The following SH3GLB1 variants were observed in gnomAD, a reference collection of about 807,000 sequenced individuals.
The protein encoded by SH3GLB1 is SH3 domain containing GRB2 like, endophilin B1.
Under a neutral mutation model 42.0 loss-of-function variants are expected in SH3GLB1, and 17 were observed. That is an observed-to-expected ratio of 0.40 (90% CI 0.28 to 0.61). The LOEUF (loss-of-function observed/expected upper bound fraction) is 0.61. SH3GLB1 is among the 20% of genes least tolerant of loss of function. The probability of loss-of-function intolerance (pLI) is 0.36; values close to 1 mark genes in which losing one functional copy is unlikely to be tolerated. For synonymous variants in SH3GLB1, 132 were observed against 146.6 expected (o/e 0.90, Z 0.72); for missense variants, 355 against 426.3 (o/e 0.83, Z 1.47).
At chr1:86,724,874 TAAAAAAAAAA>T (rs1165438979) in intron 5 of SH3GLB1, among the ~76,000 whole-genome samples, 1 of 97,936 alleles carries the variant, frequency 1.0e-5, no homozygotes, top group African/African-American at 4.9e-5. Flanking sequence ...ACCCTGTCTT[TAAAAAAAAAA>T]AAAAAAAAAT....
At chr1:86,708,258 GC>G (rs1653989666) in intron 1 of SH3GLB1, among the ~76,000 whole-genome samples, 1 of 152,122 alleles carries the variant, frequency 6.6e-6, no homozygotes, top group Non-Finnish European at 1.5e-5. Flanking sequence ...TCAGTATAAT[GC>G]CAAAGTACCA....
intron 5 of SH3GLB1, among the ~76,000 whole-genome samples, chr1:86,727,007 G>A (rs1655235488): frequency 6.6e-6 from 1 of 151,832 alleles, no homozygotes. Context: ...TAAGGTTTGG[G>A]ATCTATCCAT....
At chr1:86,740,505 A>G (rs1656005648) in intron 7 of SH3GLB1, among the ~76,000 whole-genome samples, 1 of 152,288 alleles carries the variant, frequency 6.6e-6, no homozygotes, top group Non-Finnish European at 1.5e-5. Flanking sequence ...GAGCATATCT[A>G]AGAGTTATTA....
At chr1:86,734,728 G>C in intron 6 of SH3GLB1, 37 bp downstream of exon 6, 1 of 1,527,828 alleles carries the variant, frequency 6.5e-7, no homozygotes, top group Non-Finnish European at 9.0e-7. Flanking sequence ...TTTGGAACAA[G>C]ACTTTGGTAG....
At chr1:86,741,785 A>G (rs1207999570) in intron 7 of SH3GLB1, among the ~76,000 whole-genome samples, 2 of 152,202 alleles carry the variant, frequency 1.3e-5, no homozygotes, top group African/African-American at 4.8e-5. Context: ...AAAAAGGTTT[A>G]GTTATTCAAA....
rs924839928 is a variant in SH3GLB1, at chr1:86,742,270, T to C, written c.824T>C (p.Leu275Ser). The C allele has an allele frequency of 6.2e-7, 1 of 1,614,202 alleles. No individual in the cohort carries two copies. The highest frequency in any genetic ancestry group is 8.5e-7 in the Non-Finnish European group (1 of 1,180,036). ...TCTGTGACACCTGTACCATCAGTTT[T>C]ACCAAATGCGATTGGTTCTTCTGCC... ...QTSVTPVPSV[L>S]PNAIGSSAMA... Residue 275 changes from leucine (L) to serine (S), a missense_variant, in exon 8 of 9, where the codon TTA becomes TCA. Coordinates refer to ENST00000370558, the MANE Select transcript of SH3GLB1 (RefSeq NM_016009.5).
Position 86,730,191 on chromosome 1 carries a change from C to T in SH3GLB1, c.571-4411C>T, listed in dbSNP as rs961027680. The T allele has an allele frequency of 3.3e-5, 50 of 1,528,360 alleles. No homozygotes were observed. In the East Asian group the frequency reaches 1.1e-3, roughly 35 times the overall value. The allele number at this position is 1,528,360 out of a possible 1,614,324, so 94.7% of individuals were successfully genotyped here. On this transcript the variant is annotated intron_variant, in intron 5 of 8. Transcript: ENST00000370558. ...TCAGTAAATATGTATTGGGCAACAA[C>T]CCATGGGTCCAGTCACAGTCTGTGT...
At chr1:86,722,500 T>C in intron 3 of SH3GLB1, 40 bp from the exon 4 acceptor site, 1 of 1,529,344 alleles carries the variant, frequency 6.5e-7, no homozygotes, top group Non-Finnish European at 8.8e-7. Flanking sequence ...TTTTCTGGTA[T>C]TACCAGACAA....
In SH3GLB1 at chr1:86,715,860, A is replaced by C; in HGVS notation, c.209A>C (p.Asn70Thr). The C allele has an allele frequency of 6.2e-7, 1 of 1,607,850 alleles. No homozygotes were observed. Among genetic ancestry groups the C allele is most frequent in the Non-Finnish European group, 8.5e-7 (1 of 1,178,706 alleles). The change falls in exon 2 of 9, where the codon AAT becomes ACT. Residue 70 changes from asparagine to threonine, a missense_variant. Physicochemically the swap from Asn to Thr is moderately conservative, Grantham distance 65. Transcript: ENST00000370558. The stretch of plus-strand genomic sequence containing the variant: ...CAAACTGAAGTGTTATTGCAGCCAA[A>C]TCCAAGTAAGAAACTCTACCTCTTG... ...MKQTEVLLQPNPNARIEEFVY... is the reference protein window; with the variant it reads ...MKQTEVLLQPTPNARIEEFVY...
rs908696701 is a variant in SH3GLB1, at chr1:86,724,229, C to T, written c.478-84C>T. ...CTTTATCAAGTGATACATATGTTTA[C>T]TAGGGAATAATACTTTAAATGTGTA... On this transcript the variant is annotated intron_variant, in intron 4 of 8. Transcript: ENST00000370558. The T allele has an allele frequency of 3.3e-6, 3 of 913,326 alleles. No individual in the cohort carries two copies. In the African/African-American group the frequency reaches 5.1e-5, roughly 16 times the overall value. The allele number at this position is 913,326 out of a possible 1,614,324, so 56.6% of individuals were successfully genotyped here. A position where few individuals can be genotyped will look rare whatever the true frequency, so the allele number is the denominator to read the frequency against.
intron 5 of SH3GLB1, among the ~76,000 whole-genome samples, chr1:86,726,309 C>T (rs1302591893): frequency 6.6e-6 from 1 of 152,044 alleles, no homozygotes; most frequent in Non-Finnish European, 1.5e-5. Flanking sequence ...CCAGAAAGCA[C>T]ACACATATAG....
At chr1:86,724,892 A>AAAAAAAAAAATATATATATATAT (rs1291454820) in intron 5 of SH3GLB1, among the ~76,000 whole-genome samples, 2 of 99,700 alleles carry the variant, frequency 2.0e-5, no homozygotes, top group South Asian at 3.0e-4. Context: ...AAAAAAAAAA[A>AAAAAAAAAAATATATATATATAT]ATATATATAT....
At chr1:86,734,764 A>C (rs1655697057) in intron 6 of SH3GLB1, 73 bp downstream of exon 6, 1 of 1,102,440 alleles carries the variant, frequency 9.1e-7, no homozygotes, top group Non-Finnish European at 1.3e-6. Context: ...GGGAGGAAAA[A>C]CTGAACTTTT....
intron 7 of SH3GLB1, among the ~76,000 whole-genome samples, chr1:86,738,413 C>A (rs1427594964): frequency 6.6e-6 from 1 of 151,572 alleles, no homozygotes; most frequent in Non-Finnish European, 1.5e-5. Context: ...CTACAGGCAC[C>A]CACCACCACA....
chr1:86,724,882 A>ACT (rs1429770726), intron 5 of SH3GLB1, among the ~76,000 whole-genome samples: 4 of 106,042 alleles, frequency 3.8e-5, no homozygotes, highest in Non-Finnish European at 5.5e-5. Context: ...TTTAAAAAAA[A>ACT]AAAAAAAAAA....
At chr1:86,722,453 A>T in intron 3 of SH3GLB1, 87 bp from the exon 4 acceptor site, 2 of 1,299,230 alleles carry the variant, frequency 1.5e-6, no homozygotes, top group Non-Finnish European at 2.1e-6. Context: ...TAACTTTTAA[A>T]CAGACCAAAT....
Position 86,734,549 on chromosome 1 carries a change from A to G in SH3GLB1, c.571-53A>G, listed in dbSNP as rs966957402. The G allele has an allele frequency of 3.1e-6, 4 of 1,291,234 alleles. No homozygotes were observed. The African/African-American group carries it at 4.5e-5, about 14-fold the overall frequency. The allele number at this position is 1,291,234 out of a possible 1,614,324, so 80.0% of individuals were successfully genotyped here. ...TTTTAACCATCTAAAATAAATGTAT[A>G]TAAGATGGACTGAGTCTTCTAAAGA... On this transcript the variant is annotated intron_variant, in intron 5 of 8. Coordinates refer to ENST00000370558, the MANE Select transcript of SH3GLB1 (RefSeq NM_016009.5).
chr1:86,708,429 A>G (rs911420090), intron 1 of SH3GLB1, among the ~76,000 whole-genome samples: 20 of 152,356 alleles, frequency 1.3e-4, no homozygotes, highest in Non-Finnish European at 5.9e-5. Flanking sequence ...AACGCCATAC[A>G]TTGTTTTCCA....
At chr1:86,714,853 AG>A (rs1165507508) in intron 1 of SH3GLB1, among the ~76,000 whole-genome samples, 1 of 100,266 alleles carries the variant, frequency 1.0e-5, no homozygotes, top group Non-Finnish European at 2.3e-5. Context: ...TTTAATTAAA[AG>A]TATCCAGAAG....
Sources: gnomAD v4.1 joint callset for allele counts (sites outside exome capture counted in the v4.1 genomes callset) on GRCh38, gnomAD v4.1.1 for gene constraint, MANE v1.5 for transcripts, NCBI Gene and HGNC (gene_info 2026-07-23, HGNC 2026-07-21) for gene names.